The following LRRC7 variants were observed in gnomAD, a reference collection of about 807,000 sequenced individuals.
LRRC7 encodes leucine-rich repeat-containing protein 7.
A neutral mutation model predicts 175.7 loss-of-function variants in LRRC7; 23 were observed. The observed-to-expected ratio is 0.13, with a 90% CI of 0.09 to 0.19. LRRC7 has a LOEUF of 0.19. LRRC7 is among the 10% of genes least tolerant of loss of function. LRRC7 has a pLI of 1.00. For synonymous variants in LRRC7, 685 were observed against 680.9 expected, an observed-to-expected ratio of 1.01 and a Z score of -0.09; for missense variants, 1,354 against 1,904.7, an observed-to-expected ratio of 0.71 and a Z score of 5.38.
At chr1:69,703,475 G>T (rs1663633574) in intron 2 of LRRC7, among the ~76,000 whole-genome samples, 1 of 151,762 alleles carries the variant, frequency 6.6e-6, no homozygotes, top group Admixed American at 6.6e-5. Context: ...TTTGTATTCA[G>T]AGTAATGGGA....
chr1:69,661,995 C>T (rs1297581102), intron 1 of LRRC7, among the ~76,000 whole-genome samples: 1 of 152,038 alleles, frequency 6.6e-6, no homozygotes, highest in African/African-American at 2.4e-5. Flanking sequence ...GGGGAAGGTG[C>T]AATAATCTGA....
intron 7 of LRRC7, among the ~76,000 whole-genome samples, chr1:69,842,705 C>A (rs972755717): frequency 6.6e-6 from 1 of 152,076 alleles, no homozygotes; most frequent in Non-Finnish European, 1.5e-5. Context: ...AAAGATAAAT[C>A]TGAAGTAATG....
At chr1:69,698,776 TAAAC>T (rs1324319053) in intron 2 of LRRC7, among the ~76,000 whole-genome samples, 1 of 152,254 alleles carries the variant, frequency 6.6e-6, no homozygotes, top group Non-Finnish European at 1.5e-5. Flanking sequence ...CATTAGGTAA[TAAAC>T]AGCCTTGTGA....
Position 70,038,967 on chromosome 1 carries a change from A to G in LRRC7, c.3143A>G (p.Tyr1048Cys), listed in dbSNP as rs981289748. The G allele has an allele frequency of 1.9e-6, 3 of 1,613,914 alleles. No individual in the cohort carries two copies. Among genetic ancestry groups the G allele is most frequent in the South Asian group, 1.1e-5 (1 of 91,070 alleles). The change falls in exon 21 of 27, where the codon TAC becomes TGC. Residue 1048 changes from tyrosine to cysteine, a missense_variant. This residue lies in a region of LRRC7 where 1,032 missense variants were observed against 1,227.2 expected (regional missense o/e 0.84). Coordinates refer to ENST00000651989, the MANE Select transcript of LRRC7 (RefSeq NM_001370785.2). ...VPMLDDEMLT[Y>C]GSSKGPQQQK... ...ATGCTGGATGATGAGATGCTCACCT[A>G]CGGAAGTAGTAAGGGGCCACAACAA... is the stretch of plus-strand genomic sequence containing the variant.
At chr1:70,025,692 A>C (rs182903956) in intron 17 of LRRC7, among the ~76,000 whole-genome samples, 5 of 152,242 alleles carry the variant, frequency 3.3e-5, no homozygotes, top group Admixed American at 3.3e-4. Context: ...AGTTGGGAAT[A>C]AATCTATTTC....
intron 2 of LRRC7, among the ~76,000 whole-genome samples, chr1:69,711,683 C>A (rs906439697): frequency 8.5e-5 from 13 of 152,130 alleles, no homozygotes; most frequent in Non-Finnish European, 1.9e-4. Flanking sequence ...TTTACCGTGT[C>A]GTCATGGCTC....
intron 23 of LRRC7, among the ~76,000 whole-genome samples, chr1:70,072,772 A>G (rs1274821409): frequency 3.9e-5 from 6 of 152,244 alleles, no homozygotes; most frequent in African/African-American, 1.4e-4. Context: ...AGTCACATGC[A>G]CAGCATCTAA....
intron 1 of LRRC7, among the ~76,000 whole-genome samples, chr1:69,655,557 T>G (rs563443276): frequency 1.4e-4 from 22 of 152,208 alleles, no homozygotes; most frequent in African/African-American, 5.3e-4. Context: ...AACTTTGGCT[T>G]ACATCATTTT....
intron 7 of LRRC7, among the ~76,000 whole-genome samples, chr1:69,927,575 T>C (rs908346950): frequency 5.9e-5 from 9 of 152,224 alleles, no homozygotes; most frequent in South Asian, 2.1e-4. Flanking sequence ...CCATCACTGA[T>C]ACCCTTTCTT....
intron 8 of LRRC7, among the ~76,000 whole-genome samples, chr1:69,966,827 C>T (rs1182562728): frequency 6.6e-6 from 1 of 152,220 alleles, no homozygotes; most frequent in Non-Finnish European, 1.5e-5. Flanking sequence ...AATCCCTAAG[C>T]CATTTCTGCC....
intron 7 of LRRC7, among the ~76,000 whole-genome samples, chr1:69,852,873 G>A (rs945189942): frequency 2.6e-5 from 4 of 152,254 alleles, no homozygotes; most frequent in East Asian, 1.9e-4. Flanking sequence ...AAGTTACAGT[G>A]TATTGTAAGG....
chr1:69,837,545 A>G (rs1466814208), intron 6 of LRRC7, among the ~76,000 whole-genome samples: 1 of 151,854 alleles, frequency 6.6e-6, no homozygotes. Context: ...GTCTTCCTAC[A>G]AAGTCCCATT....
chr1:69,615,255 A>G (rs1176986850), intron 1 of LRRC7, among the ~76,000 whole-genome samples: 1 of 151,972 alleles, frequency 6.6e-6, no homozygotes, highest in Non-Finnish European at 1.5e-5. Context: ...TTTCCTCGTA[A>G]TAAGATTAAT....
At chr1:69,594,980 A>T (rs949392284) in intron 1 of LRRC7, among the ~76,000 whole-genome samples, 1 of 152,008 alleles carries the variant, frequency 6.6e-6, no homozygotes, top group Non-Finnish European at 1.5e-5. Context: ...AGAAGATGAC[A>T]TTACTATACC....
At chr1:69,963,639 G>A (rs2101850441) in intron 8 of LRRC7, among the ~76,000 whole-genome samples, 1 of 152,252 alleles carries the variant, frequency 6.6e-6, no homozygotes, top group Admixed American at 6.5e-5. Flanking sequence ...TTTTTTTGGA[G>A]AAAGAATATA....
At chr1:69,637,919 G>A (rs1260120661) in intron 1 of LRRC7, among the ~76,000 whole-genome samples, 3 of 151,838 alleles carry the variant, frequency 2.0e-5, no homozygotes, top group Non-Finnish European at 4.4e-5. Flanking sequence ...GAATAGAAAG[G>A]TGACACATTT....
intron 23 of LRRC7, among the ~76,000 whole-genome samples, chr1:70,071,350 C>T (rs1662372823): frequency 6.6e-6 from 1 of 152,078 alleles, no homozygotes; most frequent in Non-Finnish European, 1.5e-5. Flanking sequence ...TCATAGTCTT[C>T]TTGCATTTAT....
intron 7 of LRRC7, among the ~76,000 whole-genome samples, chr1:69,926,092 T>A (rs1647063995): frequency 6.6e-6 from 1 of 151,882 alleles, no homozygotes; most frequent in Non-Finnish European, 1.5e-5. Context: ...TTGTTCAGTT[T>A]CCATGTAGTT....
chr1:69,725,495 A>G (rs1284195915), intron 2 of LRRC7, among the ~76,000 whole-genome samples: 1 of 152,192 alleles, frequency 6.6e-6, no homozygotes, highest in African/African-American at 2.4e-5. Context: ...AAAATTGAAA[A>G]CCAATTGTTA....
Sources: gnomAD v4.1 joint callset for allele counts (sites outside exome capture counted in the v4.1 genomes callset) on GRCh38, gnomAD v4.1.1 for gene constraint, gnomAD v4.1.1 regional missense constraint, MANE v1.5 for transcripts, NCBI Gene and HGNC (gene_info 2026-07-23, HGNC 2026-07-21) for gene names.